Variants in CNNM2 observed in about 807,000 individuals in gnomAD.
The protein encoded by CNNM2 is metal transporter CNNM2.
In CNNM2, 12 loss-of-function variants were observed where a neutral mutation model predicts 66.9. The observed-to-expected ratio is 0.18, with a 90% confidence interval of 0.11 to 0.29. CNNM2 has a LOEUF of 0.29. Among genes scored for constraint, CNNM2 ranks in the 10% least tolerant of loss-of-function variants. CNNM2 has a pLI of 1.00. For synonymous variants in CNNM2, 557 were observed against 501.8 expected (o/e 1.11, Z -1.47); for missense variants, 705 against 1,167.7 (o/e 0.60, Z 5.77).
At chr10:102,952,622 C>CAAAAA (rs35818455) in intron 1 of CNNM2, among the ~76,000 whole-genome samples, 1 of 127,092 alleles carries the variant, frequency 7.9e-6, no homozygotes, top group East Asian at 2.2e-4. Context: ...CTGTCTCTAC[C>CAAAAA]AAAAAAAAAA....
chr10:102,983,075 G>A (rs2063741279), intron 1 of CNNM2, among the ~76,000 whole-genome samples: 1 of 151,918 alleles, frequency 6.6e-6, no homozygotes, highest in South Asian at 2.1e-4. Flanking sequence ...GTGGCTTATT[G>A]TTTGTTCAAC....
intron 1 of CNNM2, among the ~76,000 whole-genome samples, chr10:102,995,426 C>T (rs538324773): frequency 2.5e-4 from 38 of 151,364 alleles, no homozygotes; most frequent in African/African-American, 7.5e-4. Flanking sequence ...TTGGCCAGGC[C>T]GGTTTTGAAC....
chr10:103,031,838 CGGG>C (rs5787480), intron 1 of CNNM2, among the ~76,000 whole-genome samples: 1 of 142,846 alleles, frequency 7.0e-6, no homozygotes, highest in Admixed American at 6.8e-5. Flanking sequence ...GTACAAAATG[CGGG>C]GGGGGCGTGA....
chr10:103,023,778 C>T (rs2064641866), intron 1 of CNNM2, among the ~76,000 whole-genome samples: 1 of 151,996 alleles, frequency 6.6e-6, no homozygotes, highest in South Asian at 2.1e-4. Flanking sequence ...TTATATATAC[C>T]CTAAATATTA....
At chr10:103,057,194 G>T (rs748480964) in intron 4 of CNNM2, among the ~76,000 whole-genome samples, 13 of 152,148 alleles carry the variant, frequency 8.5e-5, no homozygotes, top group Non-Finnish European at 1.6e-4. Flanking sequence ...TAGGCTCGGT[G>T]CAGTGGCACA....
At chr10:103,023,663 A>G (rs2064639144) in intron 1 of CNNM2, among the ~76,000 whole-genome samples, 1 of 152,186 alleles carries the variant, frequency 6.6e-6, no homozygotes, top group Non-Finnish European at 1.5e-5. Flanking sequence ...CCCATCTCCA[A>G]CATTGGGGAT....
Position 103,054,301 on chromosome 10 carries a change from T to A in CNNM2, c.1766-28T>A. 2.5e-6 allele frequency: 4 copies of A among 1,608,660 alleles called. No individual in the cohort carries two copies. Among genetic ancestry groups the A allele is most frequent in the Non-Finnish European group, 3.4e-6 (4 of 1,177,808 alleles). ...TCATCTCATGGGATGCATTTCTTTTTTTTTCTCTCTTTTAATTCCTCCCTT... is the reference window on the plus strand; with the variant it reads ...TCATCTCATGGGATGCATTTCTTTTATTTTCTCTCTTTTAATTCCTCCCTT... On this transcript the variant is annotated intron_variant, in intron 2 of 7. Transcript: ENST00000369878. The surrounding 1 kb of genome is among the most constrained non-coding windows in gnomAD (Gnocchi z 5.2).
chr10:103,036,384 T>G (rs2064939595), intron 1 of CNNM2, among the ~76,000 whole-genome samples: 1 of 152,136 alleles, frequency 6.6e-6, no homozygotes, highest in Admixed American at 6.6e-5. Flanking sequence ...CCAAGAGTGA[T>G]CTCCCTTAAA....
chr10:102,920,460 G>A (rs1845585635), intron 1 of CNNM2, among the ~76,000 whole-genome samples: 1 of 152,038 alleles, frequency 6.6e-6, no homozygotes, highest in Non-Finnish European at 1.5e-5. Flanking sequence ...GTGAGTAGGT[G>A]AAGGTAGGGG....
intron 1 of CNNM2, among the ~76,000 whole-genome samples, chr10:103,009,445 A>G (rs2134268365): frequency 6.6e-6 from 1 of 152,122 alleles, no homozygotes; most frequent in East Asian, 1.9e-4. Flanking sequence ...TAGTCACAGC[A>G]CTTTGGGAAG....
rs140955512 is a variant in CNNM2, at chr10:102,925,188, C to T, written c.1621+5087C>T. 4.4e-3 allele frequency among the ~76,000 whole-genome samples: 639 copies of T among 145,350 alleles called. 20 individuals carry two copies. In the East Asian group the frequency reaches 0.079, roughly 18 times the overall value. ...GCACATGCCTGTAATCCCAACTACT[C>T]GGGAGGCTGAGGCAGGAGGATTGCT... On this transcript the variant is annotated intron_variant, in intron 1 of 7. Transcript: ENST00000369878.
intron 1 of CNNM2, among the ~76,000 whole-genome samples, chr10:102,922,485 A>G (rs1488420107): frequency 6.6e-6 from 1 of 152,104 alleles, no homozygotes; most frequent in Non-Finnish European, 1.5e-5. Context: ...ATTTTTCTCT[A>G]CTGAATAACG....
At chr10:102,987,423 C>A (rs1459156719) in intron 1 of CNNM2, among the ~76,000 whole-genome samples, 1 of 152,106 alleles carries the variant, frequency 6.6e-6, no homozygotes, top group African/African-American at 2.4e-5. Context: ...CAGGTTCACG[C>A]CATTCTCCTG....
At chr10:103,028,579 G>T (rs1167270012) in intron 1 of CNNM2, among the ~76,000 whole-genome samples, 3 of 152,122 alleles carry the variant, frequency 2.0e-5, no homozygotes, top group Non-Finnish European at 2.9e-5. Context: ...AATAGGAAAT[G>T]AGTGTCTTTT....
Position 103,077,114 on chromosome 10 carries a change from C to G in CNNM2, c.2562C>G (p.Leu854=). 1 of 1,613,988 alleles carries G rather than the reference C, an allele frequency of 6.2e-7. No homozygotes were observed. Among genetic ancestry groups the G allele is most frequent in the Non-Finnish European group, 8.5e-7 (1 of 1,179,900 alleles). The stretch of plus-strand genomic sequence containing the variant: ...TGCCAGACGAGACAGCCAACCTGCT[C>G]AACGAACAGAACTGTGTGACGCACA... The part of the protein sequence containing the change: ...DGLPDETANL[L]NEQNCVTHSK... Residue 854 remains leucine, a synonymous_variant, in exon 8 of 8, where the codon CTC becomes CTG. Transcript: ENST00000369878.
At position 103,089,563 on chromosome 10, in the gene CNNM2, C is replaced by T. The variant is rs1425328019; in HGVS notation, c.*12383C>T. 3 of 1,423,276 alleles carry T rather than the reference C, an allele frequency of 2.1e-6. No individual in the cohort carries two copies. Among genetic ancestry groups the T allele is most frequent in the Non-Finnish European group, 2.8e-6 (3 of 1,086,644 alleles). 88.2% of individuals were successfully genotyped at this position (1,423,276 alleles called of 1,614,324 possible). A position where few individuals can be genotyped will look rare whatever the true frequency, so the allele number is the denominator to read the frequency against. On this transcript the variant is annotated 3_prime_UTR_variant, in exon 8 of 8. Transcript: ENST00000369878. ...TCAGAAACTTTTCAGACGTACCTTTCATGGAGCCCCCTCCCTCCCCCGAGT... is the reference window on the plus strand; with the variant it reads ...TCAGAAACTTTTCAGACGTACCTTTTATGGAGCCCCCTCCCTCCCCCGAGT...
intron 1 of CNNM2, among the ~76,000 whole-genome samples, chr10:103,049,472 T>C (rs1418851969): frequency 6.6e-6 from 1 of 152,084 alleles, no homozygotes; most frequent in African/African-American, 2.4e-5. Context: ...CAGAGAACAA[T>C]GGTGCAGTGC....
intron 1 of CNNM2, among the ~76,000 whole-genome samples, chr10:102,938,909 G>A (rs906301380): frequency 1.3e-5 from 2 of 152,050 alleles, no homozygotes; most frequent in Non-Finnish European, 2.9e-5. Context: ...AATGGACAGC[G>A]ATAGATCTCT....
chr10:103,075,140 A>T (rs970848296), intron 6 of CNNM2, among the ~76,000 whole-genome samples: 4 of 152,256 alleles, frequency 2.6e-5, no homozygotes, highest in African/African-American at 9.6e-5. Flanking sequence ...GGGCAGGTGC[A>T]GCCAAGGGCC....
Sources: allele counts gnomAD v4.1 joint callset (sites outside exome capture counted in the v4.1 genomes callset), GRCh38; gene constraint gnomAD v4.1.1; non-coding constraint Gnocchi (gnomAD v3.1); transcripts MANE v1.5; gene names NCBI Gene and HGNC (gene_info 2026-07-23, HGNC 2026-07-21).